Variants in WDHD1 observed in about 807,000 individuals in gnomAD.
The protein encoded by WDHD1 is WD repeat and HMG-box DNA binding protein 1.
A neutral mutation model predicts 135.4 loss-of-function variants in WDHD1; 111 were observed. That is an observed-to-expected ratio of 0.82 (90% confidence interval 0.70 to 0.96). WDHD1 has a LOEUF of 0.96. WDHD1 is among the 40% of genes least tolerant of loss of function. The pLI is 0.00. For missense variants in WDHD1, 1,351 were observed against 1,336.3 expected, an observed-to-expected ratio of 1.01 and a Z score of -0.17; for synonymous variants, 434 against 439.0, an observed-to-expected ratio of 0.99 and a Z score of 0.14.
At chr14:54,943,593 T>A (rs905638059) in intron 25 of WDHD1, among the ~76,000 whole-genome samples, 1 of 152,090 alleles carries the variant, frequency 6.6e-6, no homozygotes, top group African/African-American at 2.4e-5. Context: ...AGATGGTGTA[T>A]CACTATGTTG....
At chr14:55,010,530 A>C (rs2140224028) in intron 3 of WDHD1, 70 bp from the exon 4 acceptor site, 1 of 1,302,334 alleles carries the variant, frequency 7.7e-7, no homozygotes, top group East Asian at 2.8e-5. Context: ...CTCCATAGTT[A>C]AAAATCCGGT....
chr14:54,948,296 TC>T (rs957258649), intron 24 of WDHD1, among the ~76,000 whole-genome samples: 2 of 152,118 alleles, frequency 1.3e-5, no homozygotes, highest in Non-Finnish European at 2.9e-5. Flanking sequence ...AAATTCCCTT[TC>T]CTAGCCAAGC....
At chr14:54,991,787 G>A (rs1259127521) in intron 11 of WDHD1, among the ~76,000 whole-genome samples, 1 of 151,972 alleles carries the variant, frequency 6.6e-6, no homozygotes, top group Non-Finnish European at 1.5e-5. Flanking sequence ...TGAGTTGTAA[G>A]CTGAACTAAG....
chr14:54,952,778 T>C (rs1023015599), intron 24 of WDHD1, among the ~76,000 whole-genome samples: 4 of 152,088 alleles, frequency 2.6e-5, no homozygotes, highest in African/African-American at 9.7e-5. Flanking sequence ...AAAACAGAGA[T>C]ACAGACCAAT....
At chr14:54,996,110 C>T (rs2041874288) in intron 10 of WDHD1, among the ~76,000 whole-genome samples, 1 of 152,150 alleles carries the variant, frequency 6.6e-6, no homozygotes, top group Non-Finnish European at 1.5e-5. Flanking sequence ...CCTCAGAAGT[C>T]ATTCCCTAGA....
chr14:55,000,379 C>T (rs1302408110), intron 10 of WDHD1, 124 bp downstream of exon 10: 14 of 988,376 alleles, frequency 1.4e-5, no homozygotes, highest in Middle Eastern at 2.3e-4. Flanking sequence ...GATTACTACT[C>T]AGCATCTACT....
chr14:55,008,385 C>A lies in WDHD1; in HGVS notation c.454-19G>T. ...CTGATGCCTGCAGGAATAAACAATA[C>A]ATTTCTCTATAGTCATAGCCATAAT... On this transcript the variant is annotated intron_variant, in intron 5 of 25. Coordinates refer to ENST00000360586, the MANE Select transcript of WDHD1 (RefSeq NM_007086.4). 1.2e-6 allele frequency: 2 copies of A among 1,612,030 alleles called. No homozygotes were observed. The highest frequency in any genetic ancestry group is 2.2e-5 in the South Asian group (2 of 90,732).
At chr14:54,957,717 T>G in intron 21 of WDHD1, 82 bp from the exon 22 acceptor site, 1 of 1,126,266 alleles carries the variant, frequency 8.9e-7, no homozygotes, top group Non-Finnish European at 1.3e-6. Context: ...CAGAGTATTT[T>G]AATCCCCATT....
Position 55,027,029 on chromosome 14 carries a change from C to A in WDHD1, c.-18G>T, listed in dbSNP as rs2042460520. 2 of 505,540 alleles carry A rather than the reference C, an allele frequency of 4.0e-6. No individual in the cohort carries two copies. The highest frequency in any genetic ancestry group is 7.2e-6 in the Non-Finnish European group (2 of 279,252). 31.3% of individuals were successfully genotyped at this position (505,540 alleles called of 1,614,324 possible). A position where few individuals can be genotyped will look rare whatever the true frequency, so the allele number is the denominator to read the frequency against. Reference sequence around the variant, plus strand: ...CGGGCAGCCGGAGTGGGGACTCACCCGGGTGACCGAGCCTCCGCCACTGAG... The same window carrying A: ...CGGGCAGCCGGAGTGGGGACTCACCAGGGTGACCGAGCCTCCGCCACTGAG... On this transcript the variant is annotated splice_region_variant and 5_prime_UTR_variant, in exon 1 of 26. Coordinates refer to ENST00000360586, the MANE Select transcript of WDHD1 (RefSeq NM_007086.4).
At position 55,008,675 on chromosome 14, in the gene WDHD1, T is replaced by G; in HGVS notation, c.386A>C (p.Gln129Pro). 3 of 1,613,634 alleles carry G rather than the reference T, an allele frequency of 1.9e-6. No individual in the cohort carries two copies. The highest frequency in any genetic ancestry group is 2.5e-6 in the Non-Finnish European group (3 of 1,179,904). ...KIVDVMDSSQ[Q>P]KTFRGHDAPV... ...GGCATCATGTCCTCGAAATGTTTTC[T>G]GTTGGCTGCTATCCATCACATCCAC... is the stretch of plus-strand genomic sequence containing the variant. The change falls in exon 5 of 26, where the codon CAG (glutamine) becomes CCG (proline). Residue 129 changes from glutamine to proline, a missense_variant. Around this residue, in one of 2 missense-constraint regions of WDHD1, gnomAD observed 1,330 missense variants for 1,296.1 expected, o/e 1.03. Coordinates refer to ENST00000360586, the MANE Select transcript of WDHD1 (RefSeq NM_007086.4).
intron 24 of WDHD1, among the ~76,000 whole-genome samples, chr14:54,947,111 G>A (rs574087525): frequency 5.9e-5 from 9 of 152,214 alleles, no homozygotes; most frequent in East Asian, 3.9e-4. Context: ...AGGCCAAGGC[G>A]GGTGGATCAC....
intron 2 of WDHD1, 39 bp from the exon 3 acceptor site, chr14:55,013,635 G>T: frequency 6.8e-7 from 1 of 1,471,028 alleles, no homozygotes; most frequent in South Asian, 1.1e-5. Flanking sequence ...ATCGGGCATG[G>T]TGTCTCATGC....
intron 2 of WDHD1, among the ~76,000 whole-genome samples, chr14:55,023,937 T>C (rs2042390415): frequency 6.6e-6 from 1 of 152,256 alleles, no homozygotes; most frequent in Admixed American, 6.5e-5. Flanking sequence ...TTCAACTTTT[T>C]ATAATAGATT....
intron 18 of WDHD1, among the ~76,000 whole-genome samples, chr14:54,963,793 C>A (rs1472365807): frequency 8.7e-6 from 1 of 115,398 alleles, no homozygotes. Flanking sequence ...AAGCGAGACT[C>A]TGTCTCAAAA....
intron 2 of WDHD1, among the ~76,000 whole-genome samples, chr14:55,015,587 T>G (rs2042247671): frequency 6.6e-6 from 1 of 152,072 alleles, no homozygotes; most frequent in Non-Finnish European, 1.5e-5. Flanking sequence ...GGACAACATG[T>G]GAGGCATTCA....
chr14:55,007,595 C>A (rs1234390570), intron 6 of WDHD1, among the ~76,000 whole-genome samples: 1 of 152,066 alleles, frequency 6.6e-6, no homozygotes, highest in Non-Finnish European at 1.5e-5. Flanking sequence ...ATTTTCTGTG[C>A]AGAATAAACA....
intron 2 of WDHD1, 141 bp from the exon 3 acceptor site, chr14:55,013,737 C>T: frequency 3.2e-6 from 2 of 617,564 alleles, no homozygotes; most frequent in South Asian, 2.2e-5. Context: ...GAGACCTAGT[C>T]TCTACAAAAA....
intron 24 of WDHD1, 72 bp from the exon 25 acceptor site, chr14:54,944,542 G>C (rs2040889012): frequency 3.0e-6 from 4 of 1,347,472 alleles, no homozygotes; most frequent in Non-Finnish European, 3.9e-6. Context: ...TTTTAAGTTA[G>C]TAATCAACCA....
At chr14:54,952,219 A>G (rs1348656769) in intron 24 of WDHD1, among the ~76,000 whole-genome samples, 2 of 152,352 alleles carry the variant, frequency 1.3e-5, no homozygotes, top group South Asian at 2.1e-4. Context: ...TTTGCAGATG[A>G]CATGATTGTA....
Sources: allele counts gnomAD v4.1 joint callset (sites outside exome capture counted in the v4.1 genomes callset), GRCh38; gene constraint gnomAD v4.1.1; regional missense constraint gnomAD v4.1.1; transcripts MANE v1.5; gene names NCBI Gene and HGNC (gene_info 2026-07-23, HGNC 2026-07-21).